The following PDE1C variants were observed in gnomAD, a reference collection of about 807,000 sequenced individuals.
The protein encoded by PDE1C is phosphodiesterase 1C, also known as dual specificity calcium/calmodulin-dependent 3',5'-cyclic nucleotide phosphodiesterase 1C.
PDE1C carries 62 observed loss-of-function variants against 93.1 expected under a neutral mutation model. The ratio of observed to expected loss-of-function variants is 0.67; its 90% CI spans 0.54 to 0.82. The LOEUF (loss-of-function observed/expected upper bound fraction) is 0.82, where lower values mean the gene tolerates loss of function less well. Among genes scored for constraint, PDE1C ranks in the 40% least tolerant of loss-of-function variants. The pLI is 0.00. For synonymous variants in PDE1C, 325 were observed against 310.1 expected, an observed-to-expected ratio of 1.05 and a Z score of -0.50; for missense variants, 742 against 884.6, an observed-to-expected ratio of 0.84 and a Z score of 2.04.
intron 2 of PDE1C, among the ~76,000 whole-genome samples, chr7:31,965,597 A>C (rs895277363): frequency 2.1e-4 from 32 of 152,334 alleles, no homozygotes; most frequent in Non-Finnish European, 3.1e-4. Context: ...AAATTCAGGA[A>C]ATACAGAGAA....
intron 1 of PDE1C, among the ~76,000 whole-genome samples, chr7:32,267,831 A>C (rs550163964): frequency 6.6e-6 from 1 of 152,190 alleles, no homozygotes; most frequent in Admixed American, 6.5e-5. Flanking sequence ...TGACCCCTCC[A>C]TCCATGGAGC....
chr7:32,103,647 G>C (rs1189993014), intron 3 of PDE1C, among the ~76,000 whole-genome samples: 2 of 152,188 alleles, frequency 1.3e-5, no homozygotes, highest in Non-Finnish European at 2.9e-5. Flanking sequence ...GAGAGGGCTT[G>C]CTGTTAGCTT....
chr7:31,783,199 G>T (rs551276785), intron 16 of PDE1C, among the ~76,000 whole-genome samples: 6 of 152,268 alleles, frequency 3.9e-5, no homozygotes, highest in Non-Finnish European at 8.8e-5. Flanking sequence ...ATTGTACCCT[G>T]AAGAAAATTA....
intron 3 of PDE1C, among the ~76,000 whole-genome samples, chr7:32,107,950 T>C (rs1022694737): frequency 2.6e-5 from 4 of 152,030 alleles, no homozygotes; most frequent in East Asian, 3.9e-4. Context: ...CTGTTGTATA[T>C]GTATATTGCA....
intron 17 of PDE1C, among the ~76,000 whole-genome samples, chr7:31,754,775 T>C (rs1266788750): frequency 6.6e-6 from 1 of 152,194 alleles, no homozygotes; most frequent in Non-Finnish European, 1.5e-5. Flanking sequence ...ACAGGGAATT[T>C]CTAGGGCAGT....
At chr7:32,136,250 G>A (rs1800201175) in intron 3 of PDE1C, among the ~76,000 whole-genome samples, 1 of 152,160 alleles carries the variant, frequency 6.6e-6, no homozygotes, top group South Asian at 2.1e-4. Flanking sequence ...TCATTGCACA[G>A]TGTATACATA....
the PDE1C span, among the ~76,000 whole-genome samples, chr7:31,667,703 C>A: frequency 6.6e-6 from 1 of 151,960 alleles, no homozygotes; most frequent in East Asian, 1.9e-4. Flanking sequence ...ACAATAGGAT[C>A]ATGATGGTAG....
At chr7:31,665,684 G>A in the PDE1C span, among the ~76,000 whole-genome samples, 1 of 152,138 alleles carries the variant, frequency 6.6e-6, no homozygotes, top group Non-Finnish European at 1.5e-5. Context: ...TTGCAAACTG[G>A]ACTTCTGGGC....
chr7:31,935,252 G>T (rs927733141), intron 2 of PDE1C, among the ~76,000 whole-genome samples: 1 of 152,122 alleles, frequency 6.6e-6, no homozygotes. Flanking sequence ...ACATTCCTTT[G>T]TTCAACTGAA....
intron 2 of PDE1C, among the ~76,000 whole-genome samples, chr7:32,026,245 C>A (rs985875638): frequency 2.6e-5 from 4 of 152,118 alleles, no homozygotes; most frequent in Non-Finnish European, 5.9e-5. Flanking sequence ...TGGTTGCCAG[C>A]CCCACAGCCT....
chr7:32,119,137 G>C (rs1799148209), intron 3 of PDE1C, among the ~76,000 whole-genome samples: 1 of 152,034 alleles, frequency 6.6e-6, no homozygotes, highest in Non-Finnish European at 1.5e-5. Context: ...CATCAATCAT[G>C]GATATCCTTG....
At chr7:31,860,594 G>A (rs1794580858) in intron 7 of PDE1C, among the ~76,000 whole-genome samples, 1 of 151,938 alleles carries the variant, frequency 6.6e-6, no homozygotes, top group South Asian at 2.1e-4. Flanking sequence ...TCATTTTCCT[G>A]ATTCATTTAT....
chr7:32,147,325 A>AAGG (rs1800953849), intron 3 of PDE1C, among the ~76,000 whole-genome samples: 1 of 146,992 alleles, frequency 6.8e-6, no homozygotes, highest in Admixed American at 7.3e-5. Flanking sequence ...AGAAAGAAAG[A>AAGG]AAGAAAGACG....
At chr7:31,725,196 G>A in the PDE1C span, among the ~76,000 whole-genome samples, 18 of 152,080 alleles carry the variant, frequency 1.2e-4, no homozygotes, top group Non-Finnish European at 1.5e-5. Context: ...CAGGACCACA[G>A]GGGTCTCTGT....
intron 2 of PDE1C, among the ~76,000 whole-genome samples, chr7:31,926,575 C>T (rs1242774465): frequency 6.6e-6 from 1 of 152,194 alleles, no homozygotes; most frequent in Non-Finnish European, 1.5e-5. Context: ...TCCTGCATTT[C>T]CAGCTGAGGT....
intron 2 of PDE1C, among the ~76,000 whole-genome samples, chr7:31,998,297 G>T (rs377295459): frequency 9.2e-5 from 14 of 152,314 alleles, no homozygotes; most frequent in African/African-American, 3.4e-4. Flanking sequence ...GGGATTACAA[G>T]TGTGAGCCAC....
chr7:32,374,137 G>T (rs2128088301), intron 1 of PDE1C, among the ~76,000 whole-genome samples: 1 of 91,224 alleles, frequency 1.1e-5, no homozygotes, highest in South Asian at 3.3e-4. Context: ...AGAAGAAAGA[G>T]ACGAAAGAAT....
At chr7:32,363,461 T>A (rs1784175509) in intron 1 of PDE1C, among the ~76,000 whole-genome samples, 1 of 152,222 alleles carries the variant, frequency 6.6e-6, no homozygotes, top group African/African-American at 2.4e-5. Flanking sequence ...TTTCCTAGGA[T>A]ACAAAGGTCC....
rs148749391 is a variant in PDE1C at position 32,183,009 on chromosome 7, G to C, written c.137-13053C>G. On this transcript the variant is annotated intron_variant, in intron 2 of 18. Transcript: ENST00000396193. ...CAAGCATTCTTATACACCAATAACA[G>C]ACAAACAGAGAGCCAAATCGTGAGT... is the stretch of plus-strand genomic sequence containing the variant. Among the ~76,000 whole-genome samples the C allele has an allele frequency of 7.1e-4, 108 of 152,210 alleles. No homozygotes were observed. In the East Asian group the frequency reaches 0.01, roughly 15 times the overall value.
Sources: gnomAD v4.1 joint callset for allele counts (sites outside exome capture counted in the v4.1 genomes callset) on GRCh38, gnomAD v4.1.1 for gene constraint, MANE v1.5 for transcripts, NCBI Gene and HGNC (gene_info 2026-07-23, HGNC 2026-07-21) for gene names.